The following SSH2 variants were observed in gnomAD, a reference collection of about 807,000 sequenced individuals.
The protein encoded by SSH2 is slingshot protein phosphatase 2, also known as protein phosphatase Slingshot homolog 2.
Under a neutral mutation model 135.2 loss-of-function variants are expected in SSH2, and 37 were observed. That is an observed-to-expected ratio of 0.27 (90% confidence interval 0.21 to 0.36). The LOEUF is 0.36. Among genes scored for constraint, SSH2 ranks in the 10% least tolerant of loss-of-function variants. The probability of loss-of-function intolerance (pLI) is 1.00; values close to 1 mark genes in which losing one functional copy is unlikely to be tolerated. For missense variants in SSH2, 1,408 were observed against 1,765.3 expected (o/e 0.80, Z 3.63); for synonymous variants, 628 against 646.2 (o/e 0.97, Z 0.43).
intron 14 of SSH2, chr17:29,645,363 G>C (rs2036329009): frequency 6.6e-6 from 1 of 152,110 alleles, no homozygotes; most frequent in Non-Finnish European, 1.5e-5. Flanking sequence ...TCAAGCCTAG[G>C]AAGCTGAGAT....
intron 3 of SSH2, among the ~76,000 whole-genome samples, chr17:29,784,400 T>C (rs112653056): frequency 0.067 from 9,496 of 141,246 alleles, 406 homozygotes; most frequent in Non-Finnish European, 0.096. Flanking sequence ...AAAAAAAGAG[T>C]AATTGGGGGC....
chr17:29,904,803 T>C (rs1402394016), intron 1 of SSH2, among the ~76,000 whole-genome samples: 1 of 152,166 alleles, frequency 6.6e-6, no homozygotes, highest in Non-Finnish European at 1.5e-5. Context: ...TTCAGCAATG[T>C]CTCAGGATAC....
chr17:29,904,471 T>C (rs2066617617), intron 1 of SSH2, among the ~76,000 whole-genome samples: 1 of 152,148 alleles, frequency 6.6e-6, no homozygotes, highest in African/African-American at 2.4e-5. Context: ...TTAAAAACTC[T>C]CAATAAACTA....
At chr17:29,857,207 T>C (rs779761442) in intron 1 of SSH2, among the ~76,000 whole-genome samples, 1 of 152,224 alleles carries the variant, frequency 6.6e-6, no homozygotes, top group Admixed American at 6.5e-5. Flanking sequence ...AGAGGTTTAA[T>C]TGGGCTTACA....
intron 5 of SSH2, among the ~76,000 whole-genome samples, chr17:29,690,092 A>G (rs1220546803): frequency 6.6e-6 from 1 of 151,934 alleles, no homozygotes; most frequent in Non-Finnish European, 1.5e-5. Flanking sequence ...TTAAGCTTAA[A>G]CTGTAACTTT....
At chr17:29,873,074 T>G (rs752138212) in intron 1 of SSH2, among the ~76,000 whole-genome samples, 18 of 152,036 alleles carry the variant, frequency 1.2e-4, no homozygotes, top group Admixed American at 5.9e-4. Context: ...GAAAGAATAA[T>G]TTTTAAAATT....
chr17:29,661,614 T>C (rs565955421), intron 11 of SSH2, among the ~76,000 whole-genome samples: 6 of 152,226 alleles, frequency 3.9e-5, no homozygotes, highest in South Asian at 4.1e-4. Flanking sequence ...AGCCAAGAAC[T>C]ACAAAGGACT....
At position 29,748,509 on chromosome 17, in the gene SSH2, T is replaced by C. The variant is rs529930034; in HGVS notation, c.188+45385A>G. On this transcript the variant is annotated intron_variant, in intron 3 of 15. Coordinates refer to ENST00000540801, the MANE Select transcript of SSH2 (RefSeq NM_001282129.2). Reference sequence around the variant, plus strand: ...TCTTAAATATTAATATTAGTCTCTTTATCCACCAAAAAGAGAAAAAAAAAG... The same window carrying C: ...TCTTAAATATTAATATTAGTCTCTTCATCCACCAAAAAGAGAAAAAAAAAG... Among the ~76,000 whole-genome samples, 8 of 152,204 alleles carry C rather than the reference T, an allele frequency of 5.3e-5. No individual in the cohort carries two copies. In the South Asian group the frequency reaches 8.3e-4, roughly 16 times the overall value.
At chr17:29,832,770 G>T (rs527948194) in intron 2 of SSH2, among the ~76,000 whole-genome samples, 1 of 152,214 alleles carries the variant, frequency 6.6e-6, no homozygotes, top group African/African-American at 2.4e-5. Flanking sequence ...AGGTTCAAGC[G>T]ATCCTTGTGC....
At chr17:29,692,743 C>G (rs1442201377) in intron 5 of SSH2, among the ~76,000 whole-genome samples, 1 of 152,316 alleles carries the variant, frequency 6.6e-6, no homozygotes, top group African/African-American at 2.4e-5. Flanking sequence ...CCAGTATGTG[C>G]AAGTGACTGT....
intron 2 of SSH2, among the ~76,000 whole-genome samples, chr17:29,834,601 A>C (rs1176314044): frequency 7.9e-5 from 12 of 152,062 alleles, no homozygotes; most frequent in Admixed American, 7.9e-4. Flanking sequence ...ATGTACTTGA[A>C]TTTAGCAATG....
At chr17:29,910,805 G>A (rs916625916) in intron 1 of SSH2, among the ~76,000 whole-genome samples, 3 of 151,998 alleles carry the variant, frequency 2.0e-5, no homozygotes, top group African/African-American at 7.3e-5. Context: ...TTGTGTGAAT[G>A]ATATACTTCA....
chr17:29,633,600 T>C (rs985567537), intron 15 of SSH2, among the ~76,000 whole-genome samples: 10 of 152,254 alleles, frequency 6.6e-5, no homozygotes, highest in Admixed American at 1.3e-4. Flanking sequence ...TGGTTCCTTC[T>C]GGGAAAGGTT....
intron 3 of SSH2, among the ~76,000 whole-genome samples, chr17:29,774,725 T>C (rs933048201): frequency 2.6e-5 from 4 of 152,182 alleles, no homozygotes; most frequent in Admixed American, 1.3e-4. Context: ...TTTTATTCAA[T>C]TGGGAAAATC....
chr17:29,888,328 C>T (rs2151440455), intron 1 of SSH2, among the ~76,000 whole-genome samples: 1 of 152,244 alleles, frequency 6.6e-6, no homozygotes, highest in Admixed American at 6.5e-5. Context: ...GAGAAAAAGC[C>T]TAAAATCACG....
At chr17:29,698,532 C>T (rs983655344) in intron 4 of SSH2, among the ~76,000 whole-genome samples, 1 of 152,088 alleles carries the variant, frequency 6.6e-6, no homozygotes, top group African/African-American at 2.4e-5. Context: ...ACCACCCAGA[C>T]TGGAGTACAG....
At chr17:29,885,651 A>G (rs1406235698) in intron 1 of SSH2, among the ~76,000 whole-genome samples, 1 of 152,176 alleles carries the variant, frequency 6.6e-6, no homozygotes, top group African/African-American at 2.4e-5. Flanking sequence ...TTGGGTATGT[A>G]CCCACCTAAA....
At chr17:29,818,715 A>T (rs2042602167) in intron 2 of SSH2, among the ~76,000 whole-genome samples, 1 of 152,116 alleles carries the variant, frequency 6.6e-6, no homozygotes, top group African/African-American at 2.4e-5. Context: ...AACTTTGAAA[A>T]CATCTATCCT....
rs192548865 is a variant in SSH2, at chr17:29,920,133, C to A, written c.63+9805G>T. Reference sequence around the variant, plus strand: ...GTTGGTCAGGCTGGTCTCGAACTGCCGACCTTATCTGCCCACCTCAGCCTC... The same window carrying A: ...GTTGGTCAGGCTGGTCTCGAACTGCAGACCTTATCTGCCCACCTCAGCCTC... On this transcript the variant is annotated intron_variant, in intron 1 of 15. Coordinates refer to ENST00000540801, the MANE Select transcript of SSH2 (RefSeq NM_001282129.2). Among the ~76,000 whole-genome samples the A allele has an allele frequency of 1.9e-4, 29 of 152,170 alleles. No individual in the cohort carries two copies. In the East Asian group the frequency reaches 5.6e-3, roughly 29 times the overall value.
Sources: gnomAD v4.1 joint callset for allele counts (sites outside exome capture counted in the v4.1 genomes callset) on GRCh38, gnomAD v4.1.1 for gene constraint, MANE v1.5 for transcripts, NCBI Gene and HGNC (gene_info 2026-07-23, HGNC 2026-07-21) for gene names.